MYH6: variants seen among roughly 807,000 people sequenced by gnomAD.
The protein encoded by MYH6 is myosin-6.
In MYH6, 126 loss-of-function variants were observed where a neutral mutation model predicts 223.2. The ratio of observed to expected loss-of-function variants is 0.56; its 90% CI spans 0.49 to 0.65. The LOEUF is 0.65. Ranked by LOEUF, MYH6 falls within the 30% of genes least tolerant of loss-of-function variation. The pLI is 0.00. For missense variants in MYH6, 2,040 were observed against 2,536.4 expected, an observed-to-expected ratio of 0.80 and a Z score of 4.20; for synonymous variants, 978 against 1,010.2, an observed-to-expected ratio of 0.97 and a Z score of 0.61.
intron 3 of MYH6, among the ~76,000 whole-genome samples, 199 bp downstream of exon 3, chr14:23,406,824 C>T (rs1566517235): frequency 6.6e-6 from 1 of 152,082 alleles, no homozygotes; most frequent in African/African-American, 2.4e-5. Context: ...GGAACATGGC[C>T]CTGGGTGGCA....
At chr14:23,385,741 T>C (rs1385408579) in intron 34 of MYH6, among the ~76,000 whole-genome samples, 187 bp downstream of exon 34, 2 of 152,172 alleles carry the variant, frequency 1.3e-5, no homozygotes, top group Non-Finnish European at 2.9e-5. Flanking sequence ...ATGACCCTCT[T>C]AGCTTCTAAG....
intron 15 of MYH6, 125 bp from the exon 16 acceptor site, chr14:23,397,738 G>C (rs996627587): frequency 9.9e-7 from 1 of 1,005,434 alleles, no homozygotes; most frequent in Non-Finnish European, 1.5e-6. Context: ...CCAAGATTCA[G>C]TTTACCATGA....
intron 20 of MYH6, 35 bp from the exon 21 acceptor site, chr14:23,394,358 A>G: frequency 6.2e-7 from 1 of 1,613,452 alleles, no homozygotes; most frequent in South Asian, 1.1e-5. Context: ...GTGGGGCACT[A>G]TAAAAGAGAG....
At chr14:23,391,133 T>C (rs577981526) in intron 25 of MYH6, among the ~76,000 whole-genome samples, 7 of 152,334 alleles carry the variant, frequency 4.6e-5, no homozygotes, top group Non-Finnish European at 1.5e-5. Context: ...CTTGACTAAA[T>C]TGGGAGAATA....
intron 14 of MYH6, 97 bp from the exon 15 acceptor site, chr14:23,399,134 T>C: frequency 6.8e-7 from 1 of 1,463,972 alleles, no homozygotes; most frequent in African/African-American, 1.4e-5. Flanking sequence ...CTGGAGCCAG[T>C]AGCGCTGGCC....
chr14:23,400,785 T>C lies in MYH6; in HGVS notation c.1334A>G (p.Asn445Ser). The C allele has an allele frequency of 1.9e-6, 3 of 1,614,246 alleles. No individual in the cohort carries two copies. The highest frequency in any genetic ancestry group is 1.3e-5 in the African/African-American group (1 of 75,054). Reference sequence around the variant, plus strand: ...TGGCTGCTTGGTCTCCAGGGTGGCGTTGATGCGCGTCACCATCCAGTTGAA... The same window carrying C: ...TGGCTGCTTGGTCTCCAGGGTGGCGCTGATGCGCGTCACCATCCAGTTGAA... ...KMFNWMVTRI[N>S]ATLETKQPRQ... The change falls in exon 13 of 39, where the codon AAC becomes AGC. Residue 445 changes from asparagine (N) to serine (S), a missense_variant. Around this residue, in one of 4 missense-constraint regions of MYH6, gnomAD observed 649 missense variants for 877.3 expected, o/e 0.74. Coordinates refer to ENST00000405093, the MANE Select transcript of MYH6 (RefSeq NM_002471.4).
intron 20 of MYH6, among the ~76,000 whole-genome samples, chr14:23,395,156 T>C (rs1298999661): frequency 6.6e-6 from 1 of 152,214 alleles, no homozygotes; most frequent in African/African-American, 2.4e-5. Context: ...TAAGCCACTG[T>C]GCCCAGCCAT....
intron 19 of MYH6, 30 bp from the exon 20 acceptor site, chr14:23,396,450 G>T (rs369320672): frequency 6.8e-6 from 11 of 1,611,554 alleles, no homozygotes; most frequent in Admixed American, 1.7e-5. Flanking sequence ...GCAACAGGCC[G>T]CAGCCTCAGA....
chr14:23,405,245 G>A lies in MYH6; in HGVS notation c.480C>T (p.Asn160=), dbSNP rs780910329. 1.5e-5 allele frequency: 24 copies of A among 1,614,050 alleles called. No homozygotes were observed. Among genetic ancestry groups the A allele is most frequent in the Middle Eastern group, 1.7e-4 (1 of 6,032 alleles). ...CACCTGTCAGCATGTACTGATAGGCGTTGTCGGAGATGGAGAAGATGTGGG... is the reference window on the plus strand; with the variant it reads ...CACCTGTCAGCATGTACTGATAGGCATTGTCGGAGATGGAGAAGATGTGGG... ...APPHIFSISD[N]AYQYMLTDRE... The change falls in exon 5 of 39, where the codon AAC becomes AAT. Residue 160 remains asparagine (N), a synonymous_variant. Coordinates refer to ENST00000405093, the MANE Select transcript of MYH6 (RefSeq NM_002471.4). This position sits in a 1 kb window ranked among gnomAD's most constrained non-coding sequence, Gnocchi z 4.7.
At chr14:23,393,248 T>C in intron 23 of MYH6, 94 bp downstream of exon 23, 1 of 1,552,800 alleles carries the variant, frequency 6.4e-7, no homozygotes, top group Non-Finnish European at 8.9e-7. Flanking sequence ...TCAGGGGCCA[T>C]AGAAGTTAAT....
chr14:23,383,011 G>A (rs1442943313), intron 37 of MYH6, among the ~76,000 whole-genome samples: 1 of 152,208 alleles, frequency 6.6e-6, no homozygotes, highest in African/African-American at 2.4e-5. Flanking sequence ...CCTTCTGTTG[G>A]GTTATGGTAT....
chr14:23,390,260 G>A lies in MYH6; in HGVS notation c.3529C>T (p.Arg1177Trp), dbSNP rs747978305. Reference sequence around the variant, plus strand: ...AGCGTGGCCTCCTCCAGGTCCCGCCGCATCTTCTGGAACTCGGCCTCGCGC... The same window carrying A: ...AGCGTGGCCTCCTCCAGGTCCCGCCACATCTTCTGGAACTCGGCCTCGCGC... ...KKREAEFQKMRRDLEEATLQH... is the reference protein window; with the variant it reads ...KKREAEFQKMWRDLEEATLQH... The change falls in exon 26 of 39, where the codon CGG becomes TGG. Residue 1177 changes from arginine to tryptophan, a missense_variant. Physicochemically the swap from Arg to Trp is moderately radical, Grantham distance 101. Around this residue, in one of 4 missense-constraint regions of MYH6, gnomAD observed 1,203 missense variants for 1,400.2 expected, o/e 0.86. Coordinates refer to ENST00000405093, the MANE Select transcript of MYH6 (RefSeq NM_002471.4). 1.4e-5 allele frequency: 23 copies of A among 1,587,200 alleles called. No homozygotes were observed. The highest frequency in any genetic ancestry group is 2.3e-5 in the East Asian group (1 of 43,888).
At chr14:23,400,224 A>AGGGGGCATAGGTGGT in intron 14 of MYH6, 32 bp downstream of exon 14, 2 of 1,614,142 alleles carry the variant, frequency 1.2e-6, no homozygotes, top group Non-Finnish European at 1.7e-6. Flanking sequence ...ATGGCAGAGG[A>AGGGGGCATAGGTGGT]GGGGGCATAG....
At position 23,407,354 on chromosome 14, in the gene MYH6, C is replaced by A; in HGVS notation, c.-13-118G>T. 1 of 1,261,434 alleles carries A rather than the reference C, an allele frequency of 7.9e-7. No homozygotes were observed. The highest frequency in any genetic ancestry group is 1.1e-6 in the Non-Finnish European group (1 of 890,990). The allele number at this position is 1,261,434 out of a possible 1,614,324, so 78.1% of individuals were successfully genotyped here. On this transcript the variant is annotated intron_variant, in intron 2 of 38. Transcript: ENST00000405093. The surrounding 1 kb of genome is among the most constrained non-coding windows in gnomAD (Gnocchi z 5.6). ...CTCCTCTCCTCCACCCTGGGAGAGG[C>A]ACCTGCTGTTGCACCCTCCCCTACT...
At position 23,407,328 on chromosome 14, in the gene MYH6, G is replaced by C. The variant is rs551266509; in HGVS notation, c.-13-92C>G. On this transcript the variant is annotated intron_variant, in intron 2 of 38. Coordinates refer to ENST00000405093, the MANE Select transcript of MYH6 (RefSeq NM_002471.4). The surrounding 1 kb of genome is among the most constrained non-coding windows in gnomAD (Gnocchi z 5.6). ...CTCTGCAGCCCCCCTCCCTACCCCCGCTCCTCTCCTCCACCCTGGGAGAGG... is the reference window on the plus strand; with the variant it reads ...CTCTGCAGCCCCCCTCCCTACCCCCCCTCCTCTCCTCCACCCTGGGAGAGG... The C allele has an allele frequency of 6.9e-7, 1 of 1,446,606 alleles. No homozygotes were observed. Among genetic ancestry groups the C allele is most frequent in the African/African-American group, 1.4e-5 (1 of 71,562 alleles). The allele number at this position is 1,446,606 out of a possible 1,614,324, so 89.6% of individuals were successfully genotyped here. A position where few individuals can be genotyped will look rare whatever the true frequency, so the allele number is the denominator to read the frequency against.
At chr14:23,400,526 TC>T in intron 13 of MYH6, 100 bp from the exon 14 acceptor site, 1 of 1,598,390 alleles carries the variant, frequency 6.3e-7, no homozygotes, top group Non-Finnish European at 8.5e-7. Flanking sequence ...GGTATGGCTG[TC>T]CCCTCCATGT....
chr14:23,386,274 T>C (rs1595049314), intron 33 of MYH6, 41 bp downstream of exon 33: 1 of 1,613,802 alleles, frequency 6.2e-7, no homozygotes, highest in Admixed American at 1.7e-5. Flanking sequence ...CCAGGCCACA[T>C]GGAGGCCAGT....
At chr14:23,397,669 G>T in intron 15 of MYH6, 56 bp from the exon 16 acceptor site, 1 of 1,561,704 alleles carries the variant, frequency 6.4e-7, no homozygotes, top group Non-Finnish European at 8.8e-7. Flanking sequence ...GGAGCCCTTG[G>T]GCAGAGGCAG....
In MYH6 at chr14:23,407,143, C is replaced by G. The variant is rs1425680559; in HGVS notation, c.81G>C (p.Gln27His). The G allele has an allele frequency of 1.2e-6, 2 of 1,614,290 alleles. No individual in the cohort carries two copies. Among genetic ancestry groups the G allele is most frequent in the Non-Finnish European group, 1.7e-6 (2 of 1,180,056 alleles). The stretch of plus-strand genomic sequence containing the variant: ...CAGTGCGAATGTCAAAGGGCCGGGT[C>G]TGGGCCTCTAGACGCTCCTTCTCTG... Reference protein sequence around the residue: ...RKSEKERLEAQTRPFDIRTEC... With the variant: ...RKSEKERLEAHTRPFDIRTEC... Residue 27 changes from glutamine (Q) to histidine (H), a missense_variant, in exon 3 of 39, where the codon CAG (glutamine) becomes CAC (histidine). Transcript: ENST00000405093. The surrounding 1 kb of genome is among the most constrained non-coding windows in gnomAD (Gnocchi z 5.6).
Sources: allele counts gnomAD v4.1 joint callset (sites outside exome capture counted in the v4.1 genomes callset), GRCh38; gene constraint gnomAD v4.1.1; regional missense constraint gnomAD v4.1.1; non-coding constraint Gnocchi (gnomAD v3.1); transcripts MANE v1.5; gene names NCBI Gene and HGNC (gene_info 2026-07-23, HGNC 2026-07-21).